The following TBK1 variants were observed in gnomAD, a reference collection of about 807,000 sequenced individuals.
The protein encoded by TBK1 is serine/threonine-protein kinase TBK1.
TBK1 carries 37 observed loss-of-function variants against 99.9 expected under a neutral mutation model. The ratio of observed to expected loss-of-function variants is 0.37; its 90% CI spans 0.28 to 0.49. The LOEUF (loss-of-function observed/expected upper bound fraction) is 0.49, where lower values mean the gene tolerates loss of function less well. Among genes scored for constraint, TBK1 ranks in the 20% least tolerant of loss-of-function variants. The probability of loss-of-function intolerance (pLI) is 0.98; values close to 1 mark genes in which losing one functional copy is unlikely to be tolerated. For synonymous variants in TBK1, 258 were observed against 279.8 expected, an observed-to-expected ratio of 0.92 and a Z score of 0.78; for missense variants, 644 against 872.5, an observed-to-expected ratio of 0.74 and a Z score of 3.30.
intron 5 of TBK1, among the ~76,000 whole-genome samples, chr12:64,472,430 T>G (rs78783030): frequency 6.6e-6 from 1 of 152,036 alleles, no homozygotes; most frequent in African/African-American, 2.4e-5. Flanking sequence ...TTGGGATCAT[T>G]TAGGTGGTAA....
intron 3 of TBK1, among the ~76,000 whole-genome samples, chr12:64,464,095 C>G (rs944057173): frequency 6.6e-6 from 1 of 152,106 alleles, no homozygotes; most frequent in African/African-American, 2.4e-5. Flanking sequence ...ATCTCTTGAC[C>G]TCGTGATCCG....
chr12:64,500,326 T>C (rs2040976250), intron 20 of TBK1, among the ~76,000 whole-genome samples: 1 of 152,192 alleles, frequency 6.6e-6, no homozygotes, highest in Non-Finnish European at 1.5e-5. Flanking sequence ...ACCACCTTTC[T>C]CCTACTCCCT....
intron 15 of TBK1, 90 bp from the exon 16 acceptor site, chr12:64,496,277 C>A (rs2040924003): frequency 4.8e-6 from 3 of 625,040 alleles, no homozygotes; most frequent in Non-Finnish European, 5.1e-6. Context: ...GACTCTTAGC[C>A]TTTTTGAAGC....
rs2040481146 is a variant in TBK1, at chr12:64,455,827, T to G, written c.-31-13T>G. The G allele has an allele frequency of 2.0e-6, 3 of 1,509,146 alleles. No individual in the cohort carries two copies. Among genetic ancestry groups the G allele is most frequent in the Non-Finnish European group, 2.7e-6 (3 of 1,109,596 alleles). 93.5% of individuals were successfully genotyped at this position (1,509,146 alleles called of 1,614,324 possible). On this transcript the variant is annotated splice_polypyrimidine_tract_variant and intron_variant, in intron 1 of 20. Transcript: ENST00000331710. ...CCCTTAAAACATAGTTGCAAATTTT[T>G]TTTTTCTCTTAGTATAACAAGAGGA...
intron 11 of TBK1, among the ~76,000 whole-genome samples, chr12:64,488,203 T>G (rs2040836867): frequency 6.6e-6 from 1 of 152,332 alleles, no homozygotes; most frequent in African/African-American, 2.4e-5. Context: ...CTCTACAAAC[T>G]ATTTGTGTAA....
At chr12:64,465,638 T>A (rs1412488996) in intron 4 of TBK1, among the ~76,000 whole-genome samples, 1 of 152,166 alleles carries the variant, frequency 6.6e-6, no homozygotes, top group African/African-American at 2.4e-5. Flanking sequence ...ACAACATGGA[T>A]GAACTTGAAA....
rs1179626254 is a variant in TBK1, at chr12:64,479,632, A to G, written c.702-380A>G. On this transcript the variant is annotated intron_variant, in intron 6 of 20. Transcript: ENST00000331710. Reference sequence around the variant, plus strand: ...AGAAACTTTAGTTGTGCCTTTGGATAATATGGGTAAGAGGGATTATATGCT... The same window carrying G: ...AGAAACTTTAGTTGTGCCTTTGGATGATATGGGTAAGAGGGATTATATGCT... Among the ~76,000 whole-genome samples the G allele has an allele frequency of 3.3e-5, 5 of 152,194 alleles. No homozygotes were observed. The South Asian group carries it at 8.3e-4, about 25-fold the overall frequency.
At chr12:64,479,980 G>A (rs772206776) in intron 6 of TBK1, 32 bp from the exon 7 acceptor site, 10 of 1,517,962 alleles carry the variant, frequency 6.6e-6, no homozygotes, top group Non-Finnish European at 8.2e-6. Flanking sequence ...AAAATGAACT[G>A]CTTATTTTAT....
At chr12:64,465,088 A>G (rs1280904154) in intron 4 of TBK1, among the ~76,000 whole-genome samples, 1 of 142,876 alleles carries the variant, frequency 7.0e-6, no homozygotes, top group Non-Finnish European at 1.5e-5. Flanking sequence ...TACAAAAAAT[A>G]AAATAAAAAA....
intron 3 of TBK1, among the ~76,000 whole-genome samples, chr12:64,461,057 G>A (rs975944038): frequency 1.3e-5 from 2 of 151,268 alleles, no homozygotes; most frequent in African/African-American, 4.9e-5. Context: ...TCTAGCATGG[G>A]TGATGGAGTG....
Position 64,481,864 on chromosome 12 carries a change from C to T in TBK1, c.835C>T (p.Pro279Ser). ...TAGGGGTCTTCAGGTTCTACTTACC[C>T]CTGTTCTTGCAAACATCCTTGAAGC... The part of the protein sequence containing the change: ...LSRGLQVLLT[P>S]VLANILEADQ... The change falls in exon 8 of 21, where the codon CCT becomes TCT. Residue 279 changes from proline to serine, a missense_variant. Around this residue, in one of 3 missense-constraint regions of TBK1, gnomAD observed 465 missense variants for 588.0 expected, o/e 0.79. Transcript: ENST00000331710. 1 of 1,604,814 alleles carries T rather than the reference C, an allele frequency of 6.2e-7. No homozygotes were observed. Among genetic ancestry groups the T allele is most frequent in the Non-Finnish European group, 8.5e-7 (1 of 1,176,210 alleles).
intron 8 of TBK1, among the ~76,000 whole-genome samples, chr12:64,483,014 A>G (rs79944427): frequency 0.039 from 5,964 of 152,284 alleles, 385 homozygotes; most frequent in African/African-American, 0.14. Flanking sequence ...GGAGAAGAAT[A>G]TATGGTGTCT....
At chr12:64,453,642 T>C (rs1209774236) in intron 1 of TBK1, among the ~76,000 whole-genome samples, 1 of 152,224 alleles carries the variant, frequency 6.6e-6, no homozygotes, top group African/African-American at 2.4e-5. Flanking sequence ...CATCACAGAA[T>C]ACCTAGTCTA....
rs1236339536 is a variant in TBK1, at chr12:64,501,321, G to A, written c.2139-9G>A. On this transcript the variant is annotated splice_polypyrimidine_tract_variant and intron_variant, in intron 20 of 20. Coordinates refer to ENST00000331710, the MANE Select transcript of TBK1 (RefSeq NM_013254.4). ...AGATTACCTTTTTTTCTTTGTGTGT[G>A]TGTTTTAGGTTTGGCTCTTTAACCA... is the stretch of plus-strand genomic sequence containing the variant. 5 of 1,613,542 alleles carry A rather than the reference G, an allele frequency of 3.1e-6. No homozygotes were observed. The highest frequency in any genetic ancestry group is 4.2e-6 in the Non-Finnish European group (5 of 1,179,910).
Position 64,484,367 on chromosome 12 carries a change from A to G in TBK1, c.1057A>G (p.Ile353Val), listed in dbSNP as rs755655622. 64 of 1,613,916 alleles carry G rather than the reference A, an allele frequency of 4.0e-5. No homozygotes were observed. The highest frequency in any genetic ancestry group is 5.2e-5 in the Non-Finnish European group (61 of 1,179,974). ...TKIISSNQELIYEGRRLVLEP... is the reference protein window; with the variant it reads ...TKIISSNQELVYEGRRLVLEP... ...AATTATTTCTTCAAATCAAGAACTT[A>G]TCTACGAAGGGCGACGCTTAGTCTT... Residue 353 changes from isoleucine to valine, a missense_variant, in exon 9 of 21, where the codon ATC (isoleucine) becomes GTC (valine). Coordinates refer to ENST00000331710, the MANE Select transcript of TBK1 (RefSeq NM_013254.4).
chr12:64,498,151 T>G (rs1472085836), intron 20 of TBK1, 112 bp downstream of exon 20: 12 of 847,860 alleles, frequency 1.4e-5, no homozygotes, highest in Non-Finnish European at 1.7e-5. Flanking sequence ...GGTCATAAAG[T>G]CAGAACTCAT....
rs1327911651 is a variant in TBK1, at chr12:64,495,795, T to G, written c.1720+20T>G. The G allele has an allele frequency of 1.3e-6, 2 of 1,523,630 alleles. No homozygotes were observed. Among genetic ancestry groups the G allele is most frequent in the African/African-American group, 2.8e-5 (2 of 70,950 alleles). The allele number at this position is 1,523,630 out of a possible 1,614,324, so 94.4% of individuals were successfully genotyped here. A position where few individuals can be genotyped will look rare whatever the true frequency, so the allele number is the denominator to read the frequency against. On this transcript the variant is annotated intron_variant, in intron 15 of 20. Coordinates refer to ENST00000331710, the MANE Select transcript of TBK1 (RefSeq NM_013254.4). ...AACGTAGTAAGTAAAATTTGCTATT[T>G]GTTAATTTAATAAATCCCTCTTAGT...
intron 7 of TBK1, 35 bp downstream of exon 7, chr12:64,480,157 C>G: frequency 2.0e-6 from 3 of 1,518,136 alleles, no homozygotes; most frequent in Admixed American, 3.8e-5. Context: ...ATCTTTTGCA[C>G]TTTGGTGTTT....
chr12:64,491,186 T>G (rs1239900143), intron 13 of TBK1, among the ~76,000 whole-genome samples: 1 of 152,142 alleles, frequency 6.6e-6, no homozygotes, highest in Non-Finnish European at 1.5e-5. Flanking sequence ...CCTGCCCCAT[T>G]TACCTGCCTA....
Sources: allele counts gnomAD v4.1 joint callset (sites outside exome capture counted in the v4.1 genomes callset), GRCh38; gene constraint gnomAD v4.1.1; regional missense constraint gnomAD v4.1.1; transcripts MANE v1.5; gene names NCBI Gene and HGNC (gene_info 2026-07-23, HGNC 2026-07-21).